Variants in ERI2 observed in about 807,000 individuals in gnomAD.
The protein encoded by ERI2 is ERI1 exoribonuclease 2.
A neutral mutation model predicts 46.8 loss-of-function variants in ERI2; 35 were observed. The ratio of observed to expected loss-of-function variants is 0.75; its 90% CI spans 0.57 to 0.99. The LOEUF (loss-of-function observed/expected upper bound fraction) is 0.99, where lower values mean the gene tolerates loss of function less well. Ranked by LOEUF, ERI2 falls within the 50% of genes least tolerant of loss-of-function variation. ERI2 has a pLI of 0.00. For synonymous variants in ERI2, 224 were observed against 271.0 expected (o/e 0.83, Z 1.70); for missense variants, 695 against 796.2 (o/e 0.87, Z 1.53).
intron 6 of ERI2, 129 bp downstream of exon 6, chr16:20,800,173 A>C: frequency 1.2e-6 from 1 of 846,656 alleles, no homozygotes; most frequent in Non-Finnish European, 1.9e-6. Context: ...AAATACTTTA[A>C]GAAATGCATT....
intron 10 of ERI2, chr16:20,785,131 A>G: frequency 6.2e-7 from 1 of 1,611,694 alleles, no homozygotes; most frequent in Non-Finnish European, 8.5e-7. Context: ...CTGAAAAGAC[A>G]TAGCTGGATT....
At chr16:20,802,754 C>G (rs1181898340) in intron 4 of ERI2, 42 bp downstream of exon 4, 3 of 1,568,170 alleles carry the variant, frequency 1.9e-6, no homozygotes, top group African/African-American at 1.4e-5. Flanking sequence ...CTTTTATTTT[C>G]TTTTTGAAAC....
At chr16:20,802,594 T>A (rs1322460326) in intron 4 of ERI2, among the ~76,000 whole-genome samples, 1 of 150,172 alleles carries the variant, frequency 6.7e-6, no homozygotes, top group Non-Finnish European at 1.5e-5. Flanking sequence ...TTTTTTTTTT[T>A]AGAGATGGGG....
At position 20,797,075 on chromosome 16, in the gene ERI2, T is replaced by C. The variant is rs1437242069; in HGVS notation, c.*649A>G. On this transcript the variant is annotated 3_prime_UTR_variant, in exon 9 of 9. Transcript: ENST00000357967. Reference sequence around the variant, plus strand: ...GGTCATAAAAACTGTGGTAGTATGCTTAGAAACTGTTGATTTAAAATATCT... The same window carrying C: ...GGTCATAAAAACTGTGGTAGTATGCCTAGAAACTGTTGATTTAAAATATCT... 9 of 1,449,264 alleles carry C rather than the reference T, an allele frequency of 6.2e-6. No homozygotes were observed. The highest frequency in any genetic ancestry group is 8.1e-6 in the Non-Finnish European group (9 of 1,105,490). 89.8% of individuals were successfully genotyped at this position (1,449,264 alleles called of 1,614,324 possible).
chr16:20,801,438 G>A, intron 4 of ERI2, 79 bp from the exon 5 acceptor site: 4 of 1,405,418 alleles, frequency 2.8e-6, no homozygotes, highest in Non-Finnish European at 3.8e-6. Flanking sequence ...TGTGGAGAAA[G>A]ATTAATGGTT....
In ERI2 at chr16:20,796,779, ACTAT is replaced by A; in HGVS notation, c.*941_*944del. 1 of 1,547,898 alleles carries A rather than the reference ACTAT, an allele frequency of 6.5e-7. No individual in the cohort carries two copies. The highest frequency in any genetic ancestry group is 8.7e-7 in the Non-Finnish European group (1 of 1,153,272). On this transcript the variant is annotated 3_prime_UTR_variant, in exon 9 of 9. Coordinates refer to ENST00000357967, the MANE Select transcript of ERI2 (RefSeq NM_001142725.2). ...CTGTTACCCAAAACCCATTCCAAAG[ACTAT>A]TCTAATTCTTCCACCTAGAATTCAT...
intron 10 of ERI2, chr16:20,784,525 T>G (rs1406511475): frequency 6.5e-6 from 1 of 153,934 alleles, no homozygotes; most frequent in East Asian, 1.9e-4. Context: ...ACTTCAGCAG[T>G]ACATACACTA....
chr16:20,803,362 C>A, intron 3 of ERI2, 71 bp downstream of exon 3: 1 of 1,508,092 alleles, frequency 6.6e-7, no homozygotes, highest in African/African-American at 1.4e-5. Context: ...AAACTTTTGG[C>A]TGATTCAGAT....
At chr16:20,792,049 C>T (rs2152486982), downstream of ERI2, 1 of 1,614,024 alleles carries the variant, frequency 6.2e-7, no homozygotes, top group Non-Finnish European at 8.5e-7. Context: ...ATTTCTATAT[C>T]ACTGGGGACA....
chr16:20,799,655 C>T, intron 7 of ERI2: 4 of 468,274 alleles, frequency 8.5e-6, no homozygotes, highest in Non-Finnish European at 1.5e-5. Flanking sequence ...ATCTAATAGT[C>T]TTGTTCAGTT....
chr16:20,795,558 G>A (rs2080704665), downstream of ERI2, among the ~76,000 whole-genome samples: 1 of 152,200 alleles, frequency 6.6e-6, no homozygotes, highest in Non-Finnish European at 1.5e-5. Context: ...ACGAATCCTT[G>A]AATTTAATAA....
In ERI2 at chr16:20,798,995, A is replaced by G; in HGVS notation, c.805T>C (p.Cys269Arg). 6.5e-7 allele frequency: 1 copy of G among 1,536,824 alleles called. No individual in the cohort carries two copies. The highest frequency in any genetic ancestry group is 8.7e-7 in the Non-Finnish European group (1 of 1,143,460). ...CTGGGACCCTGGATGCTAATGTTACAGGCAGACATTTCTTCAACTTGAATT... is the reference window on the plus strand; with the variant it reads ...CTGGGACCCTGGATGCTAATGTTACGGGCAGACATTTCTTCAACTTGAATT... ...NTIQVEEMSACNISIQGPSIY... is the reference protein window; with the variant it reads ...NTIQVEEMSARNISIQGPSIY... The change falls in exon 9 of 9, where the codon TGT becomes CGT. Residue 269 changes from cysteine (C) to arginine (R), a missense_variant. Cys to Arg is a radical substitution (Grantham distance 180, BLOSUM62 -3). Transcript: ENST00000357967.
At chr16:20,794,057 A>G (rs1315726759), downstream of ERI2, among the ~76,000 whole-genome samples, 1 of 152,138 alleles carries the variant, frequency 6.6e-6, no homozygotes, top group Non-Finnish European at 1.5e-5. Flanking sequence ...AGGCTGCAGC[A>G]TTTCCTAGTA....
At position 20,790,881 on chromosome 16, in the gene ERI2, C is replaced by A; in HGVS notation, c.784G>T (p.Asp262Tyr). ...TCTTGCTGAAGAAAAGCATGCTGGT[C>A]CCCTGAGGCCAGATCACTGTTCCAG... Residue 262 changes from aspartate to tyrosine, a missense_variant, in exon 9 of 11, where the codon GAC (aspartate) becomes TAC (tyrosine). By Grantham distance (160) the Asp-to-Tyr change is radical. Coordinates refer to the ERI2 transcript ENST00000300005. This position sits in a 1 kb window ranked among gnomAD's most constrained non-coding sequence, Gnocchi z 4.0. 6.2e-7 allele frequency: 1 copy of A among 1,614,004 alleles called. No homozygotes were observed. The highest frequency in any genetic ancestry group is 1.1e-5 in the South Asian group (1 of 91,064).
intron 1 of ERI2, 94 bp downstream of exon 1, chr16:20,806,314 C>T (rs1473601663): frequency 6.6e-7 from 1 of 1,513,606 alleles, no homozygotes; most frequent in East Asian, 2.5e-5. Flanking sequence ...TAGAGGCCCT[C>T]ACCGCAGATG....
intron 10 of ERI2, chr16:20,780,974 GT>G (rs1567354004): frequency 6.2e-7 from 1 of 1,614,024 alleles, no homozygotes; most frequent in Non-Finnish European, 8.5e-7. Context: ...GTTTTCCCAG[GT>G]TCTGGCTAGA....
downstream of ERI2, among the ~76,000 whole-genome samples, chr16:20,795,048 G>A (rs1054833470): frequency 4.6e-5 from 7 of 152,272 alleles, no homozygotes; most frequent in South Asian, 4.1e-4. Flanking sequence ...TGTTAATGCA[G>A]CAGAGCTAGC....
chr16:20,780,661 A>G, exon 11 of ERI2: 1 of 1,614,160 alleles, frequency 6.2e-7, no homozygotes, highest in East Asian at 2.2e-5. Context: ...TTCAGTGGTA[A>G]CAGTCTGTGA....
intron 10 of ERI2, among the ~76,000 whole-genome samples, chr16:20,788,257 C>T (rs188121518): frequency 1.7e-4 from 26 of 152,288 alleles, no homozygotes; most frequent in Non-Finnish European, 2.9e-4. Context: ...CTCATGTCTG[C>T]ATTACAGGGA....
Sources: gnomAD v4.1 joint callset for allele counts (sites outside exome capture counted in the v4.1 genomes callset) on GRCh38, gnomAD v4.1.1 for gene constraint, Gnocchi (gnomAD v3.1) non-coding constraint, MANE v1.5 for transcripts, NCBI Gene and HGNC (gene_info 2026-07-23, HGNC 2026-07-21) for gene names.